ANAPC1: variants seen among roughly 807,000 people sequenced by gnomAD.
The protein encoded by ANAPC1 is anaphase promoting complex subunit 1, also known as anaphase-promoting complex subunit 1.
Under a neutral mutation model 208.0 loss-of-function variants are expected in ANAPC1, and 36 were observed. That is an observed-to-expected ratio of 0.17 (90% CI 0.13 to 0.23). The LOEUF (loss-of-function observed/expected upper bound fraction) is 0.23. Among genes scored for constraint, ANAPC1 ranks in the 10% least tolerant of loss-of-function variants. The pLI is 1.00. For synonymous variants in ANAPC1, 378 were observed against 695.2 expected (o/e 0.54, Z 7.18); for missense variants, 942 against 2,011.6 (o/e 0.47, Z 10.17).
rs1408535749 is a variant in ANAPC1, at chr2:111,774,927, G to A, written c.5584+1932C>T. Among the ~76,000 whole-genome samples, 4 of 150,596 alleles carry A rather than the reference G, an allele frequency of 2.7e-5. No homozygotes were observed. The Middle Eastern group carries it at 0.01, about 389-fold the overall frequency. ...TTTAAAGTTCTTAAACTTGAAACCC[G>A]CTTTCTTTGCCCAAAATTATAATTT... On this transcript the variant is annotated intron_variant, in intron 46 of 47. Coordinates refer to ENST00000341068, the MANE Select transcript of ANAPC1 (RefSeq NM_022662.4).
intron 13 of ANAPC1, among the ~76,000 whole-genome samples, chr2:111,854,385 G>T (rs1558723748): frequency 6.6e-6 from 1 of 152,102 alleles, no homozygotes; most frequent in Admixed American, 6.5e-5. Context: ...TAATTCTTAA[G>T]GGCCCTAAGA....
chr2:111,857,158 T>G, intron 11 of ANAPC1: 1 of 396,550 alleles, frequency 2.5e-6, no homozygotes, highest in South Asian at 2.9e-5. Flanking sequence ...CATCTACATA[T>G]GTGAAAAAAC....
chr2:111,875,172 G>A (rs1682958324), intron 3 of ANAPC1, among the ~76,000 whole-genome samples: 1 of 152,176 alleles, frequency 6.6e-6, no homozygotes, highest in Non-Finnish European at 1.5e-5. Context: ...AATGATTAGC[G>A]AAGCTGAGCA....
intron 8 of ANAPC1, among the ~76,000 whole-genome samples, chr2:111,864,372 G>A (rs867092881): frequency 3.4e-5 from 3 of 87,886 alleles, no homozygotes; most frequent in Admixed American, 1.6e-4. Context: ...TGATGATGAT[G>A]ATAATAAAAC....
rs574022388 is a variant in ANAPC1 at position 111,871,530 on chromosome 2, C to A, written c.611+1100G>T. ...CTTTGGGAGGCCAAGGTGGGTGGAT[C>A]ACCTGAGGTCGGGAGTTCGAGACCA... On this transcript the variant is annotated intron_variant, in intron 6 of 47. Coordinates refer to ENST00000341068, the MANE Select transcript of ANAPC1 (RefSeq NM_022662.4). Among the ~76,000 whole-genome samples the A allele has an allele frequency of 2.0e-5, 3 of 152,272 alleles. No individual in the cohort carries two copies. In the East Asian group the frequency reaches 5.8e-4, roughly 29 times the overall value.
rs573584612 is a variant in ANAPC1, at chr2:111,878,831, T to C, written c.354A>G (p.Thr118=). The C allele has an allele frequency of 1.1e-5, 18 of 1,601,422 alleles. No individual in the cohort carries two copies. The East Asian group carries it at 2.9e-4, about 26-fold the overall frequency. ...TCACCTGCTGAACAGGACTGTCAACTGTAAATGCTTTATAAACTGCCAATG... is the reference window on the plus strand; with the variant it reads ...TCACCTGCTGAACAGGACTGTCAACCGTAAATGCTTTATAAACTGCCAATG... ...SQALAVYKAF[T]VDSPVQQALW... The change falls in exon 3 of 48, where the codon ACA becomes ACG. Residue 118 remains threonine, a synonymous_variant. Transcript: ENST00000341068.
rs1676518309 is a variant in ANAPC1 at position 111,767,821 on chromosome 2, C to A, written c.*1470G>T. 1 of 152,160 alleles carries A rather than the reference C, an allele frequency of 6.6e-6. No homozygotes were observed. Among genetic ancestry groups the A allele is most frequent in the Non-Finnish European group, 1.5e-5 (1 of 68,028 alleles). The allele number at this position is 152,160 out of a possible 1,614,324, so 9.4% of individuals were successfully genotyped here. ...AACTATGTAACTGTGAAGAGAAGCACATTTCAGCCTCTCAGTCAGCCCCAT... is the reference window on the plus strand; with the variant it reads ...AACTATGTAACTGTGAAGAGAAGCAAATTTCAGCCTCTCAGTCAGCCCCAT... On this transcript the variant is annotated 3_prime_UTR_variant, in exon 48 of 48. Transcript: ENST00000341068.
At chr2:111,866,737 A>T (rs1199224462) in intron 7 of ANAPC1, among the ~76,000 whole-genome samples, 1 of 151,082 alleles carries the variant, frequency 6.6e-6, no homozygotes, top group Non-Finnish European at 1.5e-5. Flanking sequence ...AAAAAAAAAA[A>T]TGAAAATAAA....
chr2:111,798,474 T>C (rs889543643), intron 34 of ANAPC1, among the ~76,000 whole-genome samples: 5 of 151,930 alleles, frequency 3.3e-5, no homozygotes, highest in South Asian at 2.1e-4. Flanking sequence ...AACCTCAACA[T>C]GTACCTCATA....
At chr2:111,811,012 A>G (rs2104404092) in intron 28 of ANAPC1, among the ~76,000 whole-genome samples, 1 of 152,148 alleles carries the variant, frequency 6.6e-6, no homozygotes, top group South Asian at 2.1e-4. Context: ...GGTGTTGGGA[A>G]TGTTGGCCTT....
intron 47 of ANAPC1, chr2:111,771,026 A>G (rs1281659515): frequency 6.5e-6 from 1 of 153,744 alleles, no homozygotes; most frequent in African/African-American, 2.4e-5. Flanking sequence ...TTCTTCTGTC[A>G]GGTGGGGAGA....
At chr2:111,883,672 C>A (rs1683447887) in intron 1 of ANAPC1, among the ~76,000 whole-genome samples, 2 of 152,152 alleles carry the variant, frequency 1.3e-5, no homozygotes, top group South Asian at 2.1e-4. Context: ...GGGCTGGAGG[C>A]CAGTCTGAAA....
At chr2:111,769,679 CTTTTTTTTT>C (rs767767639) in intron 47 of ANAPC1, among the ~76,000 whole-genome samples, 1 of 83,260 alleles carries the variant, frequency 1.2e-5, no homozygotes, top group African/African-American at 4.7e-5. Flanking sequence ...TACTGGCTTT[CTTTTTTTTT>C]TTTTTTTTTT....
chr2:111,839,666 T>TA (rs1164967884), intron 17 of ANAPC1, among the ~76,000 whole-genome samples: 1 of 152,180 alleles, frequency 6.6e-6, no homozygotes, highest in Non-Finnish European at 1.5e-5. Context: ...ATATATATTA[T>TA]AAAAAACCTG....
At chr2:111,813,513 C>A (rs2104409830) in intron 28 of ANAPC1, among the ~76,000 whole-genome samples, 1 of 149,286 alleles carries the variant, frequency 6.7e-6, no homozygotes, top group Admixed American at 6.7e-5. Flanking sequence ...AGTCCAAATC[C>A]ATCTCAGGGA....
chr2:111,843,494 T>C lies in ANAPC1; in HGVS notation c.1958A>G (p.Tyr653Cys), dbSNP rs767292299. 2.5e-6 allele frequency: 4 copies of C among 1,611,884 alleles called. No homozygotes were observed. The highest frequency in any genetic ancestry group is 1.1e-5 in the South Asian group (1 of 90,992). ...NVHSAPGGPS[Y>C]HSEWNLFVTC... ...CACAAATAAATTCCACTCTGAGTGA[T>C]AACTGGGTCCTCCTGGAGCACTGTG... Residue 653 changes from tyrosine to cysteine, a missense_variant, in exon 17 of 48, where the codon TAT (tyrosine) becomes TGT (cysteine). Physicochemically the swap from Tyr to Cys is radical, Grantham distance 194. Coordinates refer to ENST00000341068, the MANE Select transcript of ANAPC1 (RefSeq NM_022662.4).
intron 18 of ANAPC1, among the ~76,000 whole-genome samples, chr2:111,838,085 C>A (rs866364790): frequency 1.0e-3 from 103 of 103,448 alleles, no homozygotes; most frequent in East Asian, 2.9e-3. Context: ...TACTCCGTCT[C>A]AAAAAAAAAA....
At chr2:111,871,432 G>T (rs1458308123) in intron 6 of ANAPC1, among the ~76,000 whole-genome samples, 1 of 151,988 alleles carries the variant, frequency 6.6e-6, no homozygotes, top group Non-Finnish European at 1.5e-5. Flanking sequence ...TTTTGTTTTT[G>T]GCTCTTTGCT....
intron 13 of ANAPC1, among the ~76,000 whole-genome samples, chr2:111,855,607 G>A (rs1360566417): frequency 6.6e-6 from 1 of 152,134 alleles, no homozygotes; most frequent in Non-Finnish European, 1.5e-5. Flanking sequence ...TATCAGAGGC[G>A]AGTACATGGT....
Sources: allele counts gnomAD v4.1 joint callset (sites outside exome capture counted in the v4.1 genomes callset), GRCh38; gene constraint gnomAD v4.1.1; transcripts MANE v1.5; gene names NCBI Gene and HGNC (gene_info 2026-07-23, HGNC 2026-07-21).